FSIP1: variants seen among roughly 807,000 people sequenced by gnomAD.
FSIP1 encodes the protein fibrous sheath interacting protein 1, also known as fibrous sheath-interacting protein 1.
Under a neutral mutation model 60.9 loss-of-function variants are expected in FSIP1, and 65 were observed. The ratio of observed to expected loss-of-function variants is 1.07; its 90% CI spans 0.87 to 1.31. FSIP1 has a LOEUF of 1.31. Ranked by LOEUF, FSIP1 falls within the 40% of genes most tolerant of loss-of-function variation. The pLI is 0.00. For synonymous variants in FSIP1, 209 were observed against 221.2 expected (o/e 0.94, Z 0.49); for missense variants, 675 against 665.5 (o/e 1.01, Z -0.16).
At chr15:39,768,298 T>C (rs1897760758) in intron 3 of FSIP1, among the ~76,000 whole-genome samples, 1 of 152,230 alleles carries the variant, frequency 6.6e-6, no homozygotes, top group Non-Finnish European at 1.5e-5. Context: ...AAACATACTC[T>C]AAATCACAGC....
chr15:39,736,393 GT>G (rs2140627996), intron 8 of FSIP1, among the ~76,000 whole-genome samples: 1 of 152,336 alleles, frequency 6.6e-6, no homozygotes, highest in East Asian at 1.9e-4. Flanking sequence ...CTGTAGATAT[GT>G]TTTTGCTTTT....
rs1398779504 is a variant in FSIP1, at chr15:39,662,815, A to G, written c.1189-44570T>C. Among the ~76,000 whole-genome samples, 3 of 152,180 alleles carry G rather than the reference A, an allele frequency of 2.0e-5. No homozygotes were observed. In the South Asian group the frequency reaches 6.2e-4, roughly 32 times the overall value. On this transcript the variant is annotated intron_variant, in intron 10 of 11. Transcript: ENST00000350221. ...AATGCAAGTGTGAATCCTATTAAAT[A>G]GCACTCAGGAAAGGCAAACAATTCA... is the stretch of plus-strand genomic sequence containing the variant.
At chr15:39,777,327 T>C (rs192810286) in intron 1 of FSIP1, among the ~76,000 whole-genome samples, 2 of 152,284 alleles carry the variant, frequency 1.3e-5, no homozygotes, top group Admixed American at 6.5e-5. Flanking sequence ...AGTACCTATC[T>C]CCAGGCACTG....
At chr15:39,693,641 T>C (rs566720590) in intron 10 of FSIP1, among the ~76,000 whole-genome samples, 1 of 152,312 alleles carries the variant, frequency 6.6e-6, no homozygotes, top group African/African-American at 2.4e-5. Flanking sequence ...GAATATCAAC[T>C]CTGCTAAGGC....
intron 2 of FSIP1, among the ~76,000 whole-genome samples, chr15:39,776,184 G>A (rs1221253199): frequency 7.5e-5 from 9 of 119,388 alleles, no homozygotes; most frequent in East Asian, 6.0e-4. Context: ...GGGGAGGGGC[G>A]GAGGGAGGAG....
At chr15:39,660,496 C>A (rs752900811) in intron 10 of FSIP1, among the ~76,000 whole-genome samples, 47 of 152,160 alleles carry the variant, frequency 3.1e-4, no homozygotes, top group Non-Finnish European at 5.9e-4. Context: ...GATTATAAAT[C>A]TTACAATTAG....
intron 10 of FSIP1, among the ~76,000 whole-genome samples, chr15:39,620,685 G>C (rs1247258638): frequency 6.6e-6 from 1 of 150,694 alleles, no homozygotes; most frequent in Admixed American, 6.6e-5. Context: ...TCTGCTTCCT[G>C]GGTTCAAGCG....
intron 5 of FSIP1, among the ~76,000 whole-genome samples, chr15:39,743,248 G>A (rs965483982): frequency 1.3e-4 from 20 of 152,152 alleles, no homozygotes; most frequent in African/African-American, 4.8e-4. Context: ...TGTCATGCAG[G>A]TGGGTAAGAA....
At chr15:39,603,951 T>G (rs1336441127) in intron 11 of FSIP1, among the ~76,000 whole-genome samples, 2 of 152,082 alleles carry the variant, frequency 1.3e-5, no homozygotes, top group Non-Finnish European at 2.9e-5. Flanking sequence ...CACTCTACAT[T>G]TCTTTTTGTT....
chr15:39,619,506 A>G (rs991164350), intron 10 of FSIP1, among the ~76,000 whole-genome samples: 3 of 152,178 alleles, frequency 2.0e-5, no homozygotes, highest in Non-Finnish European at 4.4e-5. Context: ...TTCAAAATTC[A>G]GGTGACTGAC....
intron 10 of FSIP1, among the ~76,000 whole-genome samples, chr15:39,634,379 A>T (rs1307198791): frequency 1.3e-5 from 2 of 152,160 alleles, no homozygotes; most frequent in Non-Finnish European, 2.9e-5. Context: ...GGTTTAGTCC[A>T]CCACTCCGTT....
At chr15:39,638,331 A>T (rs1031109121) in intron 10 of FSIP1, among the ~76,000 whole-genome samples, 1 of 152,238 alleles carries the variant, frequency 6.6e-6, no homozygotes, top group Admixed American at 6.5e-5. Context: ...AGTGCAACTA[A>T]GAGGAGAGCC....
chr15:39,726,228 G>T (rs934239568), intron 9 of FSIP1, among the ~76,000 whole-genome samples: 4 of 152,006 alleles, frequency 2.6e-5, no homozygotes, highest in Non-Finnish European at 2.9e-5. Context: ...GTGGAGTAAG[G>T]GACAATGGCT....
chr15:39,750,778 T>C (rs1490678981), intron 5 of FSIP1, among the ~76,000 whole-genome samples: 1 of 151,290 alleles, frequency 6.6e-6, no homozygotes, highest in African/African-American at 2.4e-5. Context: ...AAAGCAAAAA[T>C]AAATAAATGA....
At chr15:39,650,709 G>A (rs897573162) in intron 10 of FSIP1, among the ~76,000 whole-genome samples, 22 of 152,154 alleles carry the variant, frequency 1.4e-4, no homozygotes, top group South Asian at 6.2e-4. Flanking sequence ...ACGGTCTATC[G>A]TACAGCATCT....
chr15:39,733,313 G>A (rs959918463), intron 8 of FSIP1, among the ~76,000 whole-genome samples: 18 of 152,204 alleles, frequency 1.2e-4, no homozygotes, highest in African/African-American at 3.6e-4. Context: ...TTACATGCGT[G>A]AGCCACCACG....
chr15:39,716,812 CTTTT>C (rs72106293), intron 9 of FSIP1, among the ~76,000 whole-genome samples: 2 of 110,210 alleles, frequency 1.8e-5, no homozygotes, highest in East Asian at 5.5e-4. Flanking sequence ...CAGGCCATGT[CTTTT>C]TTTTTTTTTT....
At chr15:39,659,585 A>G (rs1201101345) in intron 10 of FSIP1, among the ~76,000 whole-genome samples, 1 of 147,128 alleles carries the variant, frequency 6.8e-6, no homozygotes, top group Admixed American at 6.9e-5. Context: ...TAAAAAGTGA[A>G]CTTCACTGTA....
intron 9 of FSIP1, among the ~76,000 whole-genome samples, chr15:39,720,243 AAATT>A (rs888503360): frequency 2.5e-4 from 38 of 152,322 alleles, no homozygotes; most frequent in African/African-American, 9.1e-4. Context: ...CATCAAAAAA[AAATT>A]AATTGTTGCT....
Sources: gnomAD v4.1 joint callset for allele counts (sites outside exome capture counted in the v4.1 genomes callset) on GRCh38, gnomAD v4.1.1 for gene constraint, MANE v1.5 for transcripts, NCBI Gene and HGNC (gene_info 2026-07-23, HGNC 2026-07-21) for gene names.